XRCC6: variants seen among roughly 807,000 people sequenced by gnomAD.
XRCC6 encodes X-ray repair cross complementing 6, also known as DNA repair protein Ku70.
Under a neutral mutation model 65.7 loss-of-function variants are expected in XRCC6, and 5 were observed. The observed-to-expected ratio is 0.08, with a 90% CI of 0.04 to 0.16. XRCC6 has a LOEUF of 0.16. Ranked by LOEUF, XRCC6 falls within the 10% of genes least tolerant of loss-of-function variation. The probability of loss-of-function intolerance (pLI) is 1.00; values close to 1 mark genes in which losing one functional copy is unlikely to be tolerated. For synonymous variants in XRCC6, 270 were observed against 270.6 expected, an observed-to-expected ratio of 1.00 and a Z score of 0.02; for missense variants, 447 against 738.1, an observed-to-expected ratio of 0.61 and a Z score of 4.57.
intron 3 of XRCC6, among the ~76,000 whole-genome samples, chr22:41,633,489 G>T (rs2067778240): frequency 6.6e-6 from 1 of 151,002 alleles, no homozygotes; most frequent in Non-Finnish European, 1.5e-5. Flanking sequence ...CCATTCTCCT[G>T]CCTCAGCCTC....
At chr22:41,656,159 A>G (rs2068042667) in intron 9 of XRCC6, among the ~76,000 whole-genome samples, 1 of 150,604 alleles carries the variant, frequency 6.6e-6, no homozygotes, top group Non-Finnish European at 1.5e-5. Flanking sequence ...TAGAGGCTAC[A>G]GTAAGCTGTG....
intron 3 of XRCC6, among the ~76,000 whole-genome samples, chr22:41,632,695 C>T (rs2067768366): frequency 6.6e-6 from 1 of 151,786 alleles, no homozygotes; most frequent in Non-Finnish European, 1.5e-5. Context: ...TGGTGGTGTG[C>T]ACTTGTAGTC....
At chr22:41,636,056 C>T in intron 3 of XRCC6, 57 bp from the exon 4 acceptor site, 2 of 1,484,298 alleles carry the variant, frequency 1.3e-6, no homozygotes, top group Non-Finnish European at 1.8e-6. Context: ...AGGTACTGAG[C>T]ACTTATGGAG....
chr22:41,656,802 GC>G (rs765453803), intron 9 of XRCC6, 100 bp from the exon 10 acceptor site: 16 of 1,550,088 alleles, frequency 1.0e-5, no homozygotes, highest in Non-Finnish European at 1.4e-5. Context: ...CGGGGCCCCA[GC>G]CCCAGCACCA....
intron 8 of XRCC6, 104 bp from the exon 9 acceptor site, chr22:41,653,424 TA>T: frequency 9.2e-7 from 1 of 1,086,838 alleles, no homozygotes; most frequent in South Asian, 1.8e-5. Context: ...ATAATAAAAT[TA>T]AAATAAGCCC....
intron 6 of XRCC6, among the ~76,000 whole-genome samples, chr22:41,645,841 T>C (rs1045910540): frequency 2.0e-5 from 3 of 151,544 alleles, no homozygotes; most frequent in Admixed American, 6.6e-5. Flanking sequence ...GATTATAGAC[T>C]GTGCGTGCGC....
intron 7 of XRCC6, among the ~76,000 whole-genome samples, chr22:41,647,610 C>T (rs954290751): frequency 1.3e-5 from 2 of 151,272 alleles, no homozygotes; most frequent in African/African-American, 2.4e-5. Context: ...GACGGTGTCT[C>T]GCTATGTTGC....
At chr22:41,626,762 C>T (rs749355013) in intron 2 of XRCC6, among the ~76,000 whole-genome samples, 1 of 151,960 alleles carries the variant, frequency 6.6e-6, no homozygotes, top group Non-Finnish European at 1.5e-5. Context: ...CTCAGCCTCC[C>T]GAGTAGCTGG....
chr22:41,631,151 C>G (rs1045051155), intron 3 of XRCC6, among the ~76,000 whole-genome samples: 12 of 148,354 alleles, frequency 8.1e-5, no homozygotes, highest in Non-Finnish European at 1.8e-4. Context: ...CTGACCCCCC[C>G]ACCTCCCTCC....
intron 6 of XRCC6, among the ~76,000 whole-genome samples, chr22:41,644,290 A>G (rs930431636): frequency 2.6e-5 from 4 of 152,206 alleles, no homozygotes; most frequent in African/African-American, 9.7e-5. Context: ...GTTAAGGAAC[A>G]TACTTTATGG....
chr22:41,627,103 G>A (rs2067685414), intron 2 of XRCC6, among the ~76,000 whole-genome samples: 1 of 152,114 alleles, frequency 6.6e-6, no homozygotes, highest in Non-Finnish European at 1.5e-5. Flanking sequence ...AAGGCAATCA[G>A]CAAAATTCAG....
intron 7 of XRCC6, among the ~76,000 whole-genome samples, chr22:41,649,160 A>ATG (rs1555906726): frequency 0.02 from 2,515 of 125,672 alleles, 117 homozygotes; most frequent in African/African-American, 0.087. Context: ...ATATATATAT[A>ATG]TATGTATGTA....
intron 2 of XRCC6, among the ~76,000 whole-genome samples, chr22:41,625,936 T>C (rs1175483632): frequency 6.6e-6 from 1 of 152,182 alleles, no homozygotes; most frequent in Non-Finnish European, 1.5e-5. Flanking sequence ...CCTCCCAAGT[T>C]CAAGTGATTC....
intron 11 of XRCC6, among the ~76,000 whole-genome samples, chr22:41,661,044 T>TAA (rs57367685): frequency 2.0e-4 from 28 of 140,068 alleles, no homozygotes; most frequent in African/African-American, 5.5e-4. Context: ...AAAAAAAATC[T>TAA]AAAAAAAAAA....
intron 2 of XRCC6, 38 bp downstream of exon 2, chr22:41,622,124 GAAGA>G: frequency 6.2e-7 from 1 of 1,607,688 alleles, no homozygotes; most frequent in Non-Finnish European, 8.5e-7. Flanking sequence ...TCGGTGTGTG[GAAGA>G]AAGACCTTCC....
intron 6 of XRCC6, among the ~76,000 whole-genome samples, chr22:41,644,855 A>G (rs1252639400): frequency 3.9e-5 from 6 of 152,114 alleles, no homozygotes; most frequent in Non-Finnish European, 8.8e-5. Context: ...CTGGAGTAAT[A>G]TGTCATGATG....
At position 41,637,683 on chromosome 22, in the gene XRCC6, G is replaced by T; in HGVS notation, c.665G>T (p.Ser222Ile). ...DISLFYRDII[S>I]IAEDEDLRVH... ...TCCTTGTTCTACAGAGATATCATCA[G>T]CATAGCAGAGGATGAGGACCTCAGG... Residue 222 changes from serine (S) to isoleucine (I), a missense_variant, in exon 6 of 13, where the codon AGC becomes ATC. Coordinates refer to ENST00000360079, the MANE Select transcript of XRCC6 (RefSeq NM_001469.5). The T allele has an allele frequency of 6.2e-7, 1 of 1,613,092 alleles. No homozygotes were observed. The highest frequency in any genetic ancestry group is 1.3e-5 in the African/African-American group (1 of 74,994).
chr22:41,638,794 A>AAAG (rs1555904957), intron 6 of XRCC6, among the ~76,000 whole-genome samples: 2 of 151,826 alleles, frequency 1.3e-5, no homozygotes, highest in African/African-American at 4.8e-5. Flanking sequence ...AAAAAAAAAA[A>AAAG]AAAAGAAATA....
chr22:41,646,932 T>G lies in XRCC6; in HGVS notation c.810T>G (p.Ser270=). ...AGCTCAACAAAGATATAGTGATCTC[T>G]GTGGGCATTTATAATCTGGTCCAGA... ...KLKLNKDIVI[S]VGIYNLVQKA... Residue 270 remains serine (S), a synonymous_variant, in exon 7 of 13, where the codon TCT becomes TCG. Transcript: ENST00000360079. The G allele has an allele frequency of 6.2e-7, 1 of 1,613,924 alleles. No homozygotes were observed. Among genetic ancestry groups the G allele is most frequent in the Non-Finnish European group, 8.5e-7 (1 of 1,179,926 alleles).
Sources: allele counts gnomAD v4.1 joint callset (sites outside exome capture counted in the v4.1 genomes callset), GRCh38; gene constraint gnomAD v4.1.1; transcripts MANE v1.5; gene names NCBI Gene and HGNC (gene_info 2026-07-23, HGNC 2026-07-21).